The following TSHR variants were observed in gnomAD, a reference collection of about 807,000 sequenced individuals.
TSHR encodes thyrotropin receptor.
In TSHR, 51 loss-of-function variants were observed where a neutral mutation model predicts 64.1. That is an observed-to-expected ratio of 0.80 (90% CI 0.64 to 1.01). The LOEUF (loss-of-function observed/expected upper bound fraction) is 1.01. Among genes scored for constraint, TSHR ranks in the 50% least tolerant of loss-of-function variants. The probability of loss-of-function intolerance (pLI) is 0.00; values close to 1 mark genes in which losing one functional copy is unlikely to be tolerated. For missense variants in TSHR, 877 were observed against 942.8 expected (o/e 0.93, Z 0.91); for synonymous variants, 361 against 361.9 (o/e 1.00, Z 0.03).
At chr14:81,071,629 T>C (rs1331730496) in intron 3 of TSHR, among the ~76,000 whole-genome samples, 2 of 152,074 alleles carry the variant, frequency 1.3e-5, no homozygotes, top group South Asian at 4.2e-4. Flanking sequence ...AGCATGGTAG[T>C]GCAAACCAGT....
chr14:81,132,423 C>G (rs1891285184), intron 8 of TSHR, among the ~76,000 whole-genome samples: 1 of 152,118 alleles, frequency 6.6e-6, no homozygotes. Context: ...GGCATAATTG[C>G]TTTTGAGGTT....
chr14:81,135,622 C>T (rs975966366), intron 8 of TSHR, among the ~76,000 whole-genome samples: 1 of 152,094 alleles, frequency 6.6e-6, no homozygotes, highest in Admixed American at 6.5e-5. Context: ...TAAATATTCA[C>T]GGCATGAACG....
At chr14:81,033,134 C>G (rs756762599) in intron 1 of TSHR, 1 of 369,660 alleles carries the variant, frequency 2.7e-6, no homozygotes, top group Non-Finnish European at 5.3e-6. Flanking sequence ...ATCTATGAAT[C>G]TGATGTGCTA....
At chr14:81,101,238 A>T (rs1889559782) in intron 7 of TSHR, among the ~76,000 whole-genome samples, 1 of 152,204 alleles carries the variant, frequency 6.6e-6, no homozygotes, top group African/African-American at 2.4e-5. Flanking sequence ...AAATTTAAGA[A>T]GGTTTATTCA....
At chr14:80,990,339 T>A (rs1888664801) in intron 1 of TSHR, among the ~76,000 whole-genome samples, 1 of 152,206 alleles carries the variant, frequency 6.6e-6, no homozygotes, top group Non-Finnish European at 1.5e-5. Flanking sequence ...CAGCTCATAA[T>A]AAGCAACTTA....
intron 8 of TSHR, among the ~76,000 whole-genome samples, 172 bp from the exon 9 acceptor site, chr14:81,139,507 G>A (rs1280563203): frequency 6.6e-6 from 1 of 152,190 alleles, no homozygotes; most frequent in Non-Finnish European, 1.5e-5. Context: ...CACAGGCTTA[G>A]AAGCCTAATA....
At chr14:81,125,300 A>C (rs1890972921) in intron 8 of TSHR, among the ~76,000 whole-genome samples, 2 of 152,168 alleles carry the variant, frequency 1.3e-5, no homozygotes, top group South Asian at 2.1e-4. Flanking sequence ...AAAACATGGG[A>C]TGTGTTCAGA....
chr14:81,125,756 AAC>A (rs906724376), intron 8 of TSHR, among the ~76,000 whole-genome samples: 7 of 152,034 alleles, frequency 4.6e-5, no homozygotes, highest in Admixed American at 3.9e-4. Flanking sequence ...ATGAGTTGCA[AAC>A]ACAAGACAAA....
At chr14:81,137,353 G>A (rs1020693519) in intron 8 of TSHR, among the ~76,000 whole-genome samples, 14 of 152,246 alleles carry the variant, frequency 9.2e-5, no homozygotes, top group South Asian at 6.2e-4. Context: ...AGAAGGCACC[G>A]AATTCTTTGA....
At chr14:80,964,472 T>C (rs974179912) in intron 1 of TSHR, among the ~76,000 whole-genome samples, 8 of 152,236 alleles carry the variant, frequency 5.3e-5, no homozygotes, top group African/African-American at 1.9e-4. Context: ...TGTCCAGAGC[T>C]GAGAAATTAA....
At chr14:81,058,556 T>A (rs1311871702) in intron 1 of TSHR, among the ~76,000 whole-genome samples, 2 of 152,192 alleles carry the variant, frequency 1.3e-5, no homozygotes, top group East Asian at 3.8e-4. Flanking sequence ...TTTTTTCTCA[T>A]ATTTTAGAAA....
At chr14:81,072,753 T>TAAAAGAAAACTGATGTAAATATGCATACA (rs1555376875) in intron 3 of TSHR, among the ~76,000 whole-genome samples, 15 of 149,760 alleles carry the variant, frequency 1.0e-4, no homozygotes, top group African/African-American at 2.5e-4. Context: ...AGTGAAAAGC[T>TAAAAGAAAACTGATGTAAATATGCATACA]TTGGGAGGCC....
intron 1 of TSHR, among the ~76,000 whole-genome samples, chr14:81,037,448 A>AAAAAAAAAAAAAAAAAAAAAAAAAAAC (rs1273226258): frequency 3.9e-5 from 5 of 128,550 alleles, no homozygotes; most frequent in East Asian, 2.4e-4. Context: ...AACAAACAAA[A>AAAAAAAAAAAAAAAAAAAAAAAAAAAC]AACAGAAAAT....
At chr14:81,031,305 A>T (rs1566771708) in intron 1 of TSHR, among the ~76,000 whole-genome samples, 1 of 152,158 alleles carries the variant, frequency 6.6e-6, no homozygotes, top group Non-Finnish European at 1.5e-5. Context: ...GGAACTACAC[A>T]CATAGGAGAC....
chr14:81,036,356 T>C (rs1024048329), intron 1 of TSHR, among the ~76,000 whole-genome samples: 1 of 152,054 alleles, frequency 6.6e-6, no homozygotes, highest in Non-Finnish European at 1.5e-5. Flanking sequence ...TCAAGTTACA[T>C]ATAAGGGAAT....
In TSHR at chr14:81,144,399, T is replaced by C; in HGVS notation, c.*46T>C. 6.3e-7 allele frequency: 1 copy of C among 1,595,806 alleles called. No homozygotes were observed. On this transcript the variant is annotated 3_prime_UTR_variant, in exon 10 of 10. Coordinates refer to ENST00000298171, the MANE Select transcript of TSHR (RefSeq NM_000369.5). ...AATGGTAGGGGAACTTACAAAATAA[T>C]AGTTTCTTGAATATGCATTCCAATC...
chr14:81,041,361 C>T (rs998180382), intron 1 of TSHR, among the ~76,000 whole-genome samples: 3 of 152,116 alleles, frequency 2.0e-5, no homozygotes, highest in Non-Finnish European at 4.4e-5. Flanking sequence ...AGATCATGTC[C>T]TTTGCAGGGA....
intron 8 of TSHR, 83 bp from the exon 9 acceptor site, chr14:81,139,596 G>A (rs1257677390): frequency 4.9e-6 from 7 of 1,418,736 alleles, no homozygotes; most frequent in Non-Finnish European, 7.0e-6. Flanking sequence ...ATTAACCTCA[G>A]GCCTGTTTGA....
intron 1 of TSHR, chr14:81,003,710 T>A (rs55957493): frequency 0.33 from 50,258 of 152,572 alleles, 8,731 homozygotes; most frequent in East Asian, 0.57. Context: ...TCCCAACAAA[T>A]TGTATGATCT....
Sources: allele counts gnomAD v4.1 joint callset (sites outside exome capture counted in the v4.1 genomes callset), GRCh38; gene constraint gnomAD v4.1.1; transcripts MANE v1.5; gene names NCBI Gene and HGNC (gene_info 2026-07-23, HGNC 2026-07-21).